Variants in VAV3 observed in about 807,000 individuals in gnomAD.
VAV3 encodes guanine nucleotide exchange factor VAV3.
Under a neutral mutation model 131.2 loss-of-function variants are expected in VAV3, and 94 were observed. The observed-to-expected ratio is 0.72, with a 90% CI of 0.61 to 0.85. The LOEUF is 0.85. VAV3 is among the 40% of genes least tolerant of loss of function. VAV3 has a pLI of 0.00. For synonymous variants in VAV3, 349 were observed against 342.0 expected (o/e 1.02, Z -0.22); for missense variants, 939 against 1,002.7 (o/e 0.94, Z 0.86).
chr1:107,762,521 G>A (rs1300643848), intron 9 of VAV3, among the ~76,000 whole-genome samples: 3 of 152,114 alleles, frequency 2.0e-5, no homozygotes, highest in Admixed American at 6.6e-5. Flanking sequence ...TGGATCATGG[G>A]TCTCAAACAG....
At chr1:107,796,641 A>C (rs1666560210) in intron 2 of VAV3, among the ~76,000 whole-genome samples, 1 of 152,066 alleles carries the variant, frequency 6.6e-6, no homozygotes, top group Non-Finnish European at 1.5e-5. Context: ...GGCCTAAATA[A>C]GGATCAAATA....
At chr1:107,693,880 G>A (rs957496206) in intron 17 of VAV3, among the ~76,000 whole-genome samples, 1 of 152,132 alleles carries the variant, frequency 6.6e-6, no homozygotes, top group African/African-American at 2.4e-5. Flanking sequence ...CAGTTAGGTT[G>A]AAGCCATGTG....
chr1:107,713,413 T>A (rs1660904117), intron 15 of VAV3, among the ~76,000 whole-genome samples: 1 of 151,938 alleles, frequency 6.6e-6, no homozygotes, highest in Non-Finnish European at 1.5e-5. Context: ...ATGTTTAGAA[T>A]ATGTATGGTA....
At chr1:107,638,059 T>G (rs1396310668) in intron 20 of VAV3, among the ~76,000 whole-genome samples, 1 of 152,192 alleles carries the variant, frequency 6.6e-6, no homozygotes, top group Non-Finnish European at 1.5e-5. Flanking sequence ...GGCAATGTCC[T>G]CAACTTAATG....
intron 2 of VAV3, among the ~76,000 whole-genome samples, chr1:107,799,357 C>A (rs749205937): frequency 2.7e-5 from 4 of 148,754 alleles, no homozygotes; most frequent in Non-Finnish European, 5.9e-5. Flanking sequence ...GAAAAAATAT[C>A]TAAAACTGAA....
At chr1:107,863,441 C>T (rs1669835924) in intron 2 of VAV3, among the ~76,000 whole-genome samples, 1 of 152,050 alleles carries the variant, frequency 6.6e-6, no homozygotes, top group Non-Finnish European at 1.5e-5. Flanking sequence ...ATGGTCATCT[C>T]CTGTCTATCT....
At chr1:107,874,875 T>C (rs1278506134) in intron 2 of VAV3, 26 bp downstream of exon 2, 4 of 1,580,998 alleles carry the variant, frequency 2.5e-6, no homozygotes, top group Admixed American at 1.7e-5. Flanking sequence ...AGTTAAAAAG[T>C]AGTGTTAAAA....
intron 2 of VAV3, among the ~76,000 whole-genome samples, chr1:107,859,952 A>T (rs572783955): frequency 2.0e-5 from 3 of 152,298 alleles, no homozygotes; most frequent in African/African-American, 7.2e-5. Context: ...TATGTGATAA[A>T]GATATTATGG....
chr1:107,742,459 C>A (rs1035431588), intron 15 of VAV3, among the ~76,000 whole-genome samples: 2 of 152,122 alleles, frequency 1.3e-5, no homozygotes, highest in Non-Finnish European at 2.9e-5. Flanking sequence ...TAAAGGTACA[C>A]CAAAATAAAC....
chr1:107,918,781 C>G (rs1274524183), intron 1 of VAV3, among the ~76,000 whole-genome samples: 1 of 150,370 alleles, frequency 6.7e-6, no homozygotes, highest in Non-Finnish European at 1.5e-5. Flanking sequence ...TCTCAGCTCA[C>G]CGCAACCTCT....
At chr1:107,747,658 A>C (rs1663436620) in intron 15 of VAV3, among the ~76,000 whole-genome samples, 1 of 152,280 alleles carries the variant, frequency 6.6e-6, no homozygotes. Context: ...CTGCTGATAC[A>C]TATTACCTAG....
At chr1:107,908,409 T>C (rs1672205489) in intron 1 of VAV3, among the ~76,000 whole-genome samples, 1 of 152,204 alleles carries the variant, frequency 6.6e-6, no homozygotes, top group South Asian at 2.1e-4. Flanking sequence ...TTACCAATCT[T>C]CCTTCCCTAT....
chr1:107,688,612 C>G (rs1659200133), intron 17 of VAV3: 2 of 1,362,594 alleles, frequency 1.5e-6, no homozygotes, highest in Non-Finnish European at 1.9e-6. Context: ...AGGAAAGTGA[C>G]TCACAGTTTT....
chr1:107,943,142 G>A (rs548971430), intron 1 of VAV3, among the ~76,000 whole-genome samples: 22 of 152,176 alleles, frequency 1.4e-4, no homozygotes, highest in African/African-American at 5.1e-4. Flanking sequence ...CCTACTCTTA[G>A]AGTCTTGGTG....
chr1:107,915,801 G>A (rs1325963754), intron 1 of VAV3, among the ~76,000 whole-genome samples: 2 of 152,134 alleles, frequency 1.3e-5, no homozygotes, highest in African/African-American at 4.8e-5. Context: ...CATCTTTAGT[G>A]AGCACTCATT....
intron 25 of VAV3, among the ~76,000 whole-genome samples, chr1:107,586,839 T>C (rs553130117): frequency 2.0e-5 from 3 of 152,256 alleles, no homozygotes; most frequent in African/African-American, 7.2e-5. Flanking sequence ...AGGAAGAATA[T>C]ATATTTATTT....
intron 1 of VAV3, among the ~76,000 whole-genome samples, chr1:107,927,431 G>T (rs1346928318): frequency 1.3e-5 from 2 of 151,840 alleles, no homozygotes; most frequent in Admixed American, 6.6e-5. Context: ...ATAGCAAAGG[G>T]GACTTTGTAT....
intron 15 of VAV3, among the ~76,000 whole-genome samples, chr1:107,729,230 C>A (rs1219740144): frequency 6.6e-6 from 1 of 152,124 alleles, no homozygotes; most frequent in Non-Finnish European, 1.5e-5. Flanking sequence ...CTCAAATATT[C>A]TCCGAGAAGA....
intron 2 of VAV3, among the ~76,000 whole-genome samples, chr1:107,823,132 G>A (rs1415775825): frequency 6.6e-6 from 1 of 152,108 alleles, no homozygotes; most frequent in Non-Finnish European, 1.5e-5. Flanking sequence ...GTCCAAAGGA[G>A]AAGGAGGAAG....
Sources: gnomAD v4.1 joint callset for allele counts (sites outside exome capture counted in the v4.1 genomes callset) on GRCh38, gnomAD v4.1.1 for gene constraint, MANE v1.5 for transcripts, NCBI Gene and HGNC (gene_info 2026-07-23, HGNC 2026-07-21) for gene names.